The following SMYD3 variants were observed in gnomAD, a reference collection of about 807,000 sequenced individuals.
SMYD3 encodes the protein histone-lysine N-methyltransferase SMYD3.
In SMYD3, 36 loss-of-function variants were observed where a neutral mutation model predicts 57.7. The observed-to-expected ratio is 0.62, with a 90% CI of 0.48 to 0.82. The LOEUF is 0.82. SMYD3 is among the 40% of genes least tolerant of loss of function. The probability of loss-of-function intolerance (pLI) is 0.00; values close to 1 mark genes in which losing one functional copy is unlikely to be tolerated. For synonymous variants in SMYD3, 211 were observed against 195.0 expected (o/e 1.08, Z -0.68); for missense variants, 515 against 538.8 (o/e 0.96, Z 0.44).
intron 5 of SMYD3, among the ~76,000 whole-genome samples, chr1:246,282,266 G>C (rs2064459799): frequency 7.8e-6 from 1 of 127,406 alleles, no homozygotes; most frequent in East Asian, 2.4e-4. Flanking sequence ...CCAGGAGTTT[G>C]AGACCAGCCT....
intron 5 of SMYD3, among the ~76,000 whole-genome samples, chr1:246,148,186 G>A (rs964462188): frequency 1.2e-4 from 18 of 152,128 alleles, no homozygotes; most frequent in African/African-American, 3.9e-4. Flanking sequence ...TGGGCCAATC[G>A]GCAGGAACTT....
rs531771902 is a variant in SMYD3 at position 246,111,964 on chromosome 1, A to G, written c.532-182027T>C. On this transcript the variant is annotated intron_variant, in intron 5 of 11. Transcript: ENST00000490107. Reference sequence around the variant, plus strand: ...TTGTTTCACATTATACTTAACCTTGAAAAGGTTAGTTTTTCAATGGGGGAT... The same window carrying G: ...TTGTTTCACATTATACTTAACCTTGGAAAGGTTAGTTTTTCAATGGGGGAT... Among the ~76,000 whole-genome samples, 3 of 152,304 alleles carry G rather than the reference A, an allele frequency of 2.0e-5. No homozygotes were observed. The East Asian group carries it at 5.8e-4, about 29-fold the overall frequency.
intron 10 of SMYD3, among the ~76,000 whole-genome samples, chr1:245,815,069 C>G (rs187500574): frequency 6.6e-6 from 1 of 152,162 alleles, no homozygotes; most frequent in Non-Finnish European, 1.5e-5. Flanking sequence ...TTGATCCATC[C>G]GCTAAATCTT....
At chr1:245,902,638 C>T (rs1186250728) in intron 8 of SMYD3, among the ~76,000 whole-genome samples, 1 of 152,202 alleles carries the variant, frequency 6.6e-6, no homozygotes, top group Non-Finnish European at 1.5e-5. Context: ...CAACAAGGGG[C>T]CTAAGAACCA....
At chr1:245,988,525 T>TA (rs2058749012) in intron 5 of SMYD3, 1 of 152,288 alleles carries the variant, frequency 6.6e-6, no homozygotes, top group Admixed American at 6.5e-5. Flanking sequence ...GTAGCTTCTG[T>TA]AGCGAGCCTC....
intron 5 of SMYD3, among the ~76,000 whole-genome samples, chr1:246,193,997 T>C (rs1300722464): frequency 1.3e-5 from 2 of 152,232 alleles, no homozygotes; most frequent in African/African-American, 2.4e-5. Context: ...TTGGTCATTA[T>C]GTTCTCTTTC....
chr1:246,228,570 C>A (rs10802357), intron 5 of SMYD3, among the ~76,000 whole-genome samples: 31,399 of 151,822 alleles, frequency 0.21, 3,909 homozygotes, highest in East Asian at 0.58. Flanking sequence ...GCCTATAGGT[C>A]AAGCTGACAG....
In SMYD3 at chr1:246,209,711, G is replaced by T. The variant is rs1293661336; in HGVS notation, c.531+117490C>A. Among the ~76,000 whole-genome samples, 3 of 152,160 alleles carry T rather than the reference G, an allele frequency of 2.0e-5. No homozygotes were observed. In the East Asian group the frequency reaches 5.8e-4, roughly 29 times the overall value. On this transcript the variant is annotated intron_variant, in intron 5 of 11. Coordinates refer to ENST00000490107, the MANE Select transcript of SMYD3 (RefSeq NM_001167740.2). Reference sequence around the variant, plus strand: ...TGCAGAACACTGAGATCAAGACTTGGGTACTTTTGTATACTTGCATTTCTT... The same window carrying T: ...TGCAGAACACTGAGATCAAGACTTGTGTACTTTTGTATACTTGCATTTCTT...
intron 5 of SMYD3, among the ~76,000 whole-genome samples, chr1:245,999,361 T>C (rs923567707): frequency 1.3e-5 from 2 of 152,228 alleles, no homozygotes; most frequent in African/African-American, 4.8e-5. Flanking sequence ...TTCTGGGTGC[T>C]ATCCATATAA....
intron 5 of SMYD3, among the ~76,000 whole-genome samples, chr1:246,256,887 A>T (rs893296601): frequency 2.6e-5 from 4 of 151,852 alleles, no homozygotes; most frequent in African/African-American, 7.3e-5. Context: ...ATTTATTTAA[A>T]TTTTTTTTAT....
intron 6 of SMYD3, 138 bp downstream of exon 6, chr1:245,929,732 T>A: frequency 1.5e-6 from 1 of 662,616 alleles, no homozygotes; most frequent in Non-Finnish European, 2.7e-6. Context: ...TTCCATTTTT[T>A]TGTAATTTAT....
At chr1:246,108,077 T>C (rs190428499) in intron 5 of SMYD3, among the ~76,000 whole-genome samples, 11 of 152,336 alleles carry the variant, frequency 7.2e-5, no homozygotes, top group Admixed American at 6.5e-4. Context: ...ATAACGGACT[T>C]ACAGAGCTCG....
At chr1:246,118,409 C>A (rs932705860) in intron 5 of SMYD3, among the ~76,000 whole-genome samples, 1 of 152,184 alleles carries the variant, frequency 6.6e-6, no homozygotes, top group Admixed American at 6.5e-5. Flanking sequence ...CTTAGAGACA[C>A]CCTAGAAGCC....
intron 5 of SMYD3, among the ~76,000 whole-genome samples, chr1:246,233,577 G>A (rs2063459468): frequency 7.8e-6 from 1 of 128,126 alleles, no homozygotes; most frequent in African/African-American, 3.0e-5. Context: ...CCACACAGAG[G>A]AGAAGCACTC....
At chr1:246,323,048 T>C (rs889158346) in intron 5 of SMYD3, among the ~76,000 whole-genome samples, 1 of 152,230 alleles carries the variant, frequency 6.6e-6, no homozygotes, top group South Asian at 2.1e-4. Flanking sequence ...TAGACCACTG[T>C]ATATCACTGT....
chr1:246,135,515 C>A (rs1329342023), intron 5 of SMYD3, among the ~76,000 whole-genome samples: 2 of 151,978 alleles, frequency 1.3e-5, no homozygotes, highest in Non-Finnish European at 2.9e-5. Flanking sequence ...TAAGTCCATG[C>A]TGGCAAATAT....
chr1:246,244,471 C>T (rs2063670125), intron 5 of SMYD3, among the ~76,000 whole-genome samples: 2 of 152,196 alleles, frequency 1.3e-5, no homozygotes, highest in Admixed American at 1.3e-4. Flanking sequence ...GCATGCAAAG[C>T]AGCAATCTGA....
At chr1:246,337,328 T>C (rs1286854726) in intron 2 of SMYD3, among the ~76,000 whole-genome samples, 1 of 152,222 alleles carries the variant, frequency 6.6e-6, no homozygotes, top group Non-Finnish European at 1.5e-5. Context: ...TTAACACAGT[T>C]TCCCATGCTT....
At chr1:245,811,948 C>T (rs1047730558) in intron 10 of SMYD3, among the ~76,000 whole-genome samples, 1 of 152,170 alleles carries the variant, frequency 6.6e-6, no homozygotes, top group South Asian at 2.1e-4. Flanking sequence ...CTCCGAAGCC[C>T]GTTCTTCCTA....
Sources: gnomAD v4.1 joint callset for allele counts (sites outside exome capture counted in the v4.1 genomes callset) on GRCh38, gnomAD v4.1.1 for gene constraint, MANE v1.5 for transcripts, NCBI Gene and HGNC (gene_info 2026-07-23, HGNC 2026-07-21) for gene names.